Variants in RAB3B observed in about 807,000 individuals in gnomAD.
The protein encoded by RAB3B is RAB3B, member RAS oncogene family.
In RAB3B, 11 loss-of-function variants were observed where a neutral mutation model predicts 20.5. The ratio of observed to expected loss-of-function variants is 0.54; its 90% confidence interval spans 0.34 to 0.89. RAB3B has a LOEUF of 0.89. RAB3B is among the 40% of genes least tolerant of loss of function. The probability of loss-of-function intolerance (pLI) is 0.02; values close to 1 mark genes in which losing one functional copy is unlikely to be tolerated. For synonymous variants in RAB3B, 99 were observed against 106.3 expected (o/e 0.93, Z 0.42); for missense variants, 225 against 280.9 (o/e 0.80, Z 1.42).
At chr1:51,944,095 G>T (rs903637645) in intron 2 of RAB3B, among the ~76,000 whole-genome samples, 3 of 152,210 alleles carry the variant, frequency 2.0e-5, no homozygotes, top group Non-Finnish European at 4.4e-5. Flanking sequence ...CTCGTTAGGG[G>T]TTAATGCAGC....
intron 1 of RAB3B, among the ~76,000 whole-genome samples, chr1:51,979,052 T>C (rs949904876): frequency 1.3e-5 from 2 of 152,162 alleles, no homozygotes; most frequent in Non-Finnish European, 2.9e-5. Flanking sequence ...TCCATCCCTG[T>C]ATCAATCTGC....
At chr1:51,983,974 G>A (rs1042920803) in intron 1 of RAB3B, among the ~76,000 whole-genome samples, 2 of 151,614 alleles carry the variant, frequency 1.3e-5, no homozygotes, top group African/African-American at 4.8e-5. Context: ...AAAAAGAAAA[G>A]AAAGTAAGGG....
In RAB3B at chr1:51,910,313, C is replaced by G. The variant is rs2244233; in HGVS notation, c.*9614G>C. On this transcript the variant is annotated 3_prime_UTR_variant, in exon 5 of 5. Transcript: ENST00000371655. ...CTTGCCCAGCTCAGCCTGGCACACA[C>G]GGGTCCATAAATTAAGTCCTCCTTG... The G allele has an allele frequency of 6.6e-6, 1 of 152,140 alleles. No homozygotes were observed. The highest frequency in any genetic ancestry group is 1.5e-5 in the Non-Finnish European group (1 of 68,030). The allele number at this position is 152,140 out of a possible 1,614,324, so 9.4% of individuals were successfully genotyped here. A position where few individuals can be genotyped will look rare whatever the true frequency, so the allele number is the denominator to read the frequency against.
chr1:51,946,390 C>T (rs949635132), intron 2 of RAB3B, among the ~76,000 whole-genome samples: 1 of 152,156 alleles, frequency 6.6e-6, no homozygotes, highest in Admixed American at 6.5e-5. Flanking sequence ...CATTGATTCT[C>T]CTCCTACTGA....
At chr1:51,955,065 C>A (rs145694162) in intron 2 of RAB3B, among the ~76,000 whole-genome samples, 91 of 152,368 alleles carry the variant, frequency 6.0e-4, no homozygotes, top group African/African-American at 2.1e-3. Context: ...GATCAGGTCA[C>A]TGCTGCTTCT....
chr1:51,971,482 G>A (rs1444162382), intron 2 of RAB3B, among the ~76,000 whole-genome samples: 3 of 150,822 alleles, frequency 2.0e-5, no homozygotes, highest in African/African-American at 7.3e-5. Context: ...GCCTAGGCTG[G>A]AGTGCAATGG....
chr1:51,984,597 C>T (rs181562789), intron 1 of RAB3B, among the ~76,000 whole-genome samples: 1 of 151,936 alleles, frequency 6.6e-6, no homozygotes, highest in East Asian at 1.9e-4. Flanking sequence ...ACCATGTTGG[C>T]CCAGCCAGAT....
intron 2 of RAB3B, among the ~76,000 whole-genome samples, chr1:51,947,410 T>A (rs1176955542): frequency 6.6e-6 from 1 of 151,100 alleles, no homozygotes; most frequent in East Asian, 1.9e-4. Context: ...AAAAAAAAAA[T>A]TCAAATTCTG....
intron 2 of RAB3B, among the ~76,000 whole-genome samples, chr1:51,960,163 G>A (rs1684766768): frequency 6.6e-6 from 1 of 152,250 alleles, no homozygotes; most frequent in Non-Finnish European, 1.5e-5. Context: ...GCAAAGGAGA[G>A]AGCTAGGCTC....
intron 1 of RAB3B, among the ~76,000 whole-genome samples, chr1:51,982,839 G>A (rs1400943845): frequency 1.3e-5 from 2 of 152,066 alleles, no homozygotes; most frequent in African/African-American, 4.8e-5. Context: ...AAAAGTTATA[G>A]TAAGCCAAAG....
intron 2 of RAB3B, among the ~76,000 whole-genome samples, chr1:51,956,565 GA>G (rs1251301844): frequency 1.3e-5 from 2 of 152,260 alleles, no homozygotes; most frequent in Non-Finnish European, 2.9e-5. Flanking sequence ...CTCAGGTTCT[GA>G]CCAACCTGGA....
intron 2 of RAB3B, among the ~76,000 whole-genome samples, chr1:51,963,376 A>G (rs1684807712): frequency 1.3e-5 from 2 of 152,020 alleles, no homozygotes; most frequent in Admixed American, 6.6e-5. Flanking sequence ...CTCCCTTCAC[A>G]TGCCCCTGAC....
At position 51,915,224 on chromosome 1, in the gene RAB3B, C is replaced by T. The variant is rs566180394; in HGVS notation, c.*4703G>A. On this transcript the variant is annotated 3_prime_UTR_variant, in exon 5 of 5. Transcript: ENST00000371655. ...TTTAGAAACAGCATCTCCATTAGATCATAGGACCTTGCAGGCAGGGATCAT... is the reference window on the plus strand; with the variant it reads ...TTTAGAAACAGCATCTCCATTAGATTATAGGACCTTGCAGGCAGGGATCAT... 6.6e-6 allele frequency: 1 copy of T among 152,128 alleles called. No individual in the cohort carries two copies. The highest frequency in any genetic ancestry group is 6.5e-5 in the Admixed American group (1 of 15,280). 9.4% of individuals were successfully genotyped at this position (152,128 alleles called of 1,614,324 possible). A position where few individuals can be genotyped will look rare whatever the true frequency, so the allele number is the denominator to read the frequency against.
chr1:51,920,122 G>A lies in RAB3B; in HGVS notation c.473-8C>T. The A allele has an allele frequency of 2.5e-6, 4 of 1,604,384 alleles. No homozygotes were observed. Among genetic ancestry groups the A allele is most frequent in the Non-Finnish European group, 3.4e-6 (4 of 1,173,684 alleles). On this transcript the variant is annotated splice_polypyrimidine_tract_variant and splice_region_variant and intron_variant, in intron 4 of 4. Coordinates refer to ENST00000371655, the MANE Select transcript of RAB3B (RefSeq NM_002867.4). ...CTTCAAAGAAATCAAACCCTGGAAAGAGGAGAGATACAGATAAGGACTTTT... is the reference window on the plus strand; with the variant it reads ...CTTCAAAGAAATCAAACCCTGGAAAAAGGAGAGATACAGATAAGGACTTTT...
intron 2 of RAB3B, among the ~76,000 whole-genome samples, chr1:51,962,682 C>T (rs975623664): frequency 6.6e-6 from 1 of 152,178 alleles, no homozygotes; most frequent in Non-Finnish European, 1.5e-5. Flanking sequence ...CCACTGAAAC[C>T]TTTCTCTGAG....
At position 51,916,742 on chromosome 1, in the gene RAB3B, T is replaced by C. The variant is rs1241657278; in HGVS notation, c.*3185A>G. The stretch of plus-strand genomic sequence containing the variant: ...CTTGGGACTGGGAAGCACTGGGCAT[T>C]TTCTACCCAGGCCCATGGGATCTGT... On this transcript the variant is annotated 3_prime_UTR_variant, in exon 5 of 5. Transcript: ENST00000371655. 2 of 152,220 alleles carry C rather than the reference T, an allele frequency of 1.3e-5. No homozygotes were observed. The highest frequency in any genetic ancestry group is 1.3e-4 in the Admixed American group (2 of 15,288). The allele number at this position is 152,220 out of a possible 1,614,324, so 9.4% of individuals were successfully genotyped here. A position where few individuals can be genotyped will look rare whatever the true frequency, so the allele number is the denominator to read the frequency against.
chr1:51,944,788 T>A (rs1276647999), intron 2 of RAB3B, among the ~76,000 whole-genome samples: 2 of 152,208 alleles, frequency 1.3e-5, no homozygotes, highest in Non-Finnish European at 2.9e-5. Flanking sequence ...TTTCTTGAGA[T>A]GGAGTCTACT....
intron 2 of RAB3B, among the ~76,000 whole-genome samples, chr1:51,958,226 T>C (rs1684736087): frequency 6.6e-6 from 1 of 152,014 alleles, no homozygotes; most frequent in South Asian, 2.1e-4. Flanking sequence ...AGGGAATGAG[T>C]CCCAAAAGCC....
In RAB3B at chr1:51,910,855, T is replaced by C. The variant is rs1683987784; in HGVS notation, c.*9072A>G. 2 of 152,244 alleles carry C rather than the reference T, an allele frequency of 1.3e-5. No individual in the cohort carries two copies. The highest frequency in any genetic ancestry group is 4.8e-5 in the African/African-American group (2 of 41,460). 9.4% of individuals were successfully genotyped at this position (152,244 alleles called of 1,614,324 possible). On this transcript the variant is annotated 3_prime_UTR_variant, in exon 5 of 5. Coordinates refer to ENST00000371655, the MANE Select transcript of RAB3B (RefSeq NM_002867.4). ...ATCTGAAAGGAGACAGGAATCCTAA[T>C]CCTACTGCTCAGGGACTTGCTGATT...
Sources: gnomAD v4.1 joint callset for allele counts (sites outside exome capture counted in the v4.1 genomes callset) on GRCh38, gnomAD v4.1.1 for gene constraint, MANE v1.5 for transcripts, NCBI Gene and HGNC (gene_info 2026-07-23, HGNC 2026-07-21) for gene names.